SLC9D1: variants seen among roughly 807,000 people sequenced by gnomAD.
The protein encoded by SLC9D1 is solute carrier family 9 member D1, also known as putative LAG1-interacting protein.
the SLC9D1 span, among the ~76,000 whole-genome samples, chr13:113,511,547 C>T: frequency 6.6e-5 from 10 of 152,208 alleles, no homozygotes; most frequent in East Asian, 3.9e-4. Context: ...GGGCCTGAGG[C>T]GCCAGTAGGA....
chr13:113,510,346 A>G, the SLC9D1 span: 2 of 1,614,120 alleles, frequency 1.2e-6, no homozygotes, highest in African/African-American at 1.3e-5. Context: ...GAGCGTCTTC[A>G]TTTCCACGTG....
At chr13:113,549,287 C>T in the SLC9D1 span, 4 of 971,364 alleles carry the variant, frequency 4.1e-6, no homozygotes, top group East Asian at 5.3e-5. Flanking sequence ...TCCCAGCACT[C>T]AGCGTGACTG....
the SLC9D1 span, among the ~76,000 whole-genome samples, chr13:113,499,435 G>A: frequency 1.2e-4 from 18 of 152,250 alleles, no homozygotes; most frequent in Non-Finnish European, 1.9e-4. Context: ...AGATGGAGTC[G>A]CTCTGGTTTG....
chr13:113,539,298 T>G, the SLC9D1 span: 3 of 1,561,784 alleles, frequency 1.9e-6, no homozygotes, highest in African/African-American at 4.1e-5. The surrounding 1 kb of genome is among the most constrained non-coding windows in gnomAD (Gnocchi z 4.8). Flanking sequence ...GGCCTTGGGA[T>G]GGGGGTGACC....
At chr13:113,500,096 T>C in the SLC9D1 span, 1 of 1,591,292 alleles carries the variant, frequency 6.3e-7, no homozygotes, top group Non-Finnish European at 8.6e-7. Context: ...CCAGTATATT[T>C]TGACCAAGCC....
At chr13:113,520,456 C>T in the SLC9D1 span, 902 of 508,820 alleles carry the variant, frequency 1.8e-3, 16 homozygotes, top group East Asian at 0.026. Context: ...TGCACTCCAG[C>T]CTGGGCGACA....
the SLC9D1 span, among the ~76,000 whole-genome samples, chr13:113,533,344 T>A: frequency 1.3e-5 from 2 of 152,188 alleles, no homozygotes; most frequent in Admixed American, 6.5e-5. Context: ...AGTTTGAGAT[T>A]TGCGTTTCCA....
the SLC9D1 span, among the ~76,000 whole-genome samples, chr13:113,523,970 C>T: frequency 4.6e-5 from 7 of 152,196 alleles, no homozygotes; most frequent in Admixed American, 2.6e-4. Flanking sequence ...CACTGTGGCG[C>T]GAGAACATTT....
chr13:113,507,732 G>C, the SLC9D1 span, among the ~76,000 whole-genome samples: 1 of 152,180 alleles, frequency 6.6e-6, no homozygotes, highest in Non-Finnish European at 1.5e-5. Context: ...TGGGAGTTTC[G>C]TTTGCTTCTG....
chr13:113,544,685 C>T, the SLC9D1 span, among the ~76,000 whole-genome samples: 1 of 152,280 alleles, frequency 6.6e-6, no homozygotes, highest in Non-Finnish European at 1.5e-5. Context: ...GCCATGCCTG[C>T]TCCACAGATG....
At chr13:113,494,264 T>C in the SLC9D1 span, among the ~76,000 whole-genome samples, 2 of 152,196 alleles carry the variant, frequency 1.3e-5, no homozygotes, top group South Asian at 4.1e-4. Context: ...TTTTTTGGGA[T>C]AGCTACTTGT....
At chr13:113,546,739 C>T in the SLC9D1 span, among the ~76,000 whole-genome samples, 1 of 152,180 alleles carries the variant, frequency 6.6e-6, no homozygotes, top group Non-Finnish European at 1.5e-5. The surrounding 1 kb of genome is among the most constrained non-coding windows in gnomAD (Gnocchi z 7.1). Flanking sequence ...GGTCCAGCCC[C>T]AGCACCGCCG....
chr13:113,547,014 C>T, the SLC9D1 span: 2 of 400,966 alleles, frequency 5.0e-6, no homozygotes, highest in Non-Finnish European at 9.1e-6. Context: ...AGACCGAGTG[C>T]CGCCTCTGTG....
chr13:113,496,155 G>A, the SLC9D1 span: 3 of 666,788 alleles, frequency 4.5e-6, no homozygotes, highest in Admixed American at 5.8e-5. Flanking sequence ...AGGAAGGGAA[G>A]GCGTGAATGC....
At chr13:113,522,349 G>GTTGTTA in the SLC9D1 span, among the ~76,000 whole-genome samples, 1 of 152,176 alleles carries the variant, frequency 6.6e-6, no homozygotes, top group African/African-American at 2.4e-5. Context: ...TGTTGTTGTT[G>GTTGTTA]TTGTTGTTTG....
At chr13:113,534,623 C>A in the SLC9D1 span, 1 of 252,934 alleles carries the variant, frequency 4.0e-6, no homozygotes, top group Non-Finnish European at 7.5e-6. Flanking sequence ...AACCCCTCTG[C>A]TACAAAAAAT....
the SLC9D1 span, among the ~76,000 whole-genome samples, chr13:113,503,049 C>G: frequency 6.6e-6 from 1 of 152,222 alleles, no homozygotes; most frequent in Non-Finnish European, 1.5e-5. Context: ...TGGAGTAGGT[C>G]TTTTTCACGT....
chr13:113,516,027 T>C, the SLC9D1 span, among the ~76,000 whole-genome samples: 1 of 152,010 alleles, frequency 6.6e-6, no homozygotes, highest in Admixed American at 6.6e-5. Context: ...TATGAGATAA[T>C]CTCATCTGCT....
At chr13:113,545,857 G>C in the SLC9D1 span, 1 of 152,796 alleles carries the variant, frequency 6.5e-6, no homozygotes, top group Non-Finnish European at 1.5e-5. Context: ...GAGGCTCAGG[G>C]CGTGCTGGGG....
Sources: allele counts gnomAD v4.1 joint callset (sites outside exome capture counted in the v4.1 genomes callset), GRCh38; gene constraint gnomAD v4.1.1; non-coding constraint Gnocchi (gnomAD v3.1); transcripts MANE v1.5; gene names NCBI Gene and HGNC (gene_info 2026-07-23, HGNC 2026-07-21).